The following DLL3 variants were observed in gnomAD, a reference collection of about 807,000 sequenced individuals.
DLL3 encodes the protein delta-like protein 3.
In DLL3, 49 loss-of-function variants were observed where a neutral mutation model predicts 55.0. The observed-to-expected ratio is 0.89, with a 90% confidence interval of 0.71 to 1.13. The LOEUF (loss-of-function observed/expected upper bound fraction) is 1.13. Among genes scored for constraint, DLL3 ranks in the 50% most tolerant of loss-of-function variants. The probability of loss-of-function intolerance (pLI) is 0.00; values close to 1 mark genes in which losing one functional copy is unlikely to be tolerated. For missense variants in DLL3, 962 were observed against 875.5 expected, an observed-to-expected ratio of 1.10 and a Z score of -1.25; for synonymous variants, 421 against 385.2, an observed-to-expected ratio of 1.09 and a Z score of -1.09.
Position 39,499,389 on chromosome 19 carries a change from C to T in DLL3, c.267C>T (p.Val89=), listed in dbSNP as rs773083486. Reference sequence around the variant, plus strand: ...CGGCGCTGAGTGCGCGCGGACCGGTCTACACCGAGCAGCCCGGAGCGCCCG... The same window carrying T: ...CGGCGCTGAGTGCGCGCGGACCGGTTTACACCGAGCAGCCCGGAGCGCCCG... ...LGAALSARGP[V]YTEQPGAPAP... is the part of the protein sequence containing the mutation. Residue 89 remains valine (V), a synonymous_variant, in exon 2 of 9, where the codon GTC becomes GTT. Coordinates refer to ENST00000356433, the MANE Select transcript of DLL3 (RefSeq NM_203486.3). 4 of 1,576,062 alleles carry T rather than the reference C, an allele frequency of 2.5e-6. No individual in the cohort carries two copies. Among genetic ancestry groups the T allele is most frequent in the Non-Finnish European group, 3.4e-6 (4 of 1,168,462 alleles).
At chr19:39,500,472 C>A in intron 2 of DLL3, 143 bp from the exon 3 acceptor site, 1 of 537,324 alleles carries the variant, frequency 1.9e-6, no homozygotes, top group Non-Finnish European at 3.5e-6. Flanking sequence ...CTGGGCTGGT[C>A]TGGTCCCTCT....
At chr19:39,501,967 G>C (rs12977019) in intron 3 of DLL3, among the ~76,000 whole-genome samples, 44,237 of 151,604 alleles carry the variant, frequency 0.29, 6,760 homozygotes, top group Middle Eastern at 0.41. Context: ...GGGCGGATCA[G>C]GAGGTCAGGA....
chr19:39,502,918 C>T lies in DLL3; in HGVS notation c.513C>T (p.Arg171=). Reference sequence around the variant, plus strand: ...AGCGCGCAGGCGCCTGGGAGCTGCGCTTCTCGTACCGCGCGCGCTGCGAGC... The same window carrying T: ...AGCGCGCAGGCGCCTGGGAGCTGCGTTTCTCGTACCGCGCGCGCTGCGAGC... The part of the protein sequence containing the change: ...DIQRAGAWEL[R]FSYRARCEPP... Residue 171 remains arginine (R), a synonymous_variant, in exon 4 of 9, where the codon CGC becomes CGT. Coordinates refer to ENST00000356433, the MANE Select transcript of DLL3 (RefSeq NM_203486.3). 1 of 1,447,552 alleles carries T rather than the reference C, an allele frequency of 6.9e-7. No homozygotes were observed. Among genetic ancestry groups the T allele is most frequent in the East Asian group, 3.0e-5 (1 of 33,296 alleles). The allele number at this position is 1,447,552 out of a possible 1,614,324, so 89.7% of individuals were successfully genotyped here.
In DLL3 at chr19:39,499,401, GC is replaced by G; in HGVS notation, c.282del (p.Gly95GlufsTer37). 6.3e-7 allele frequency: 1 copy of G among 1,581,780 alleles called. No homozygotes were observed. The highest frequency in any genetic ancestry group is 1.1e-5 in the South Asian group (1 of 88,192). ...SARGPVYTEQ[P>X]GAPAPDLPLP... ...CGCGCGGACCGGTCTACACCGAGCA[GC>G]CCGGAGCGCCCGCGCCTGATCTCCC... is the stretch of plus-strand genomic sequence containing the variant. On this transcript the variant is annotated frameshift_variant, in exon 2 of 9. Transcript: ENST00000356433. LOFTEE classifies it high-confidence loss of function.
Position 39,499,004 on chromosome 19 carries a change from C to T in DLL3, c.30C>T (p.Leu10=), listed in dbSNP as rs2079592903. MVSPRMSGL[L]SQTVILALIF... is the part of the protein sequence containing the mutation. ...TCTCCCCACGGATGTCCGGGCTCCT[C>T]TCCCAGACTGTGATCCTAGCGCTCA... The change falls in exon 1 of 9, where the codon CTC becomes CTT. Residue 10 remains leucine (L), a synonymous_variant. Transcript: ENST00000356433. 23 of 1,613,986 alleles carry T rather than the reference C, an allele frequency of 1.4e-5. No individual in the cohort carries two copies. Among genetic ancestry groups the T allele is most frequent in the Non-Finnish European group, 1.9e-5 (23 of 1,180,036 alleles).
chr19:39,503,278 T>A (rs1313270371), intron 4 of DLL3, among the ~76,000 whole-genome samples: 13 of 152,172 alleles, frequency 8.5e-5, no homozygotes, highest in Non-Finnish European at 2.9e-5. Flanking sequence ...GCTGCCACCT[T>A]CGGAGAAACT....
In DLL3 at chr19:39,499,363, G is replaced by T; in HGVS notation, c.241G>T (p.Ala81Ser). Residue 81 changes from alanine (A) to serine (S), a missense_variant, in exon 2 of 9, where the codon GCG (alanine) becomes TCG (serine). By Grantham distance (99) the Ala-to-Ser change is moderately conservative (BLOSUM62 1). Coordinates refer to ENST00000356433, the MANE Select transcript of DLL3 (RefSeq NM_203486.3). ...CGCCGAGTCCCCGTGCGCCCTGGGC[G>T]CGGCGCTGAGTGCGCGCGGACCGGT... Reference protein sequence around the residue: ...EAAESPCALGAALSARGPVYT... With the variant: ...EAAESPCALGSALSARGPVYT... 1 of 1,559,584 alleles carries T rather than the reference G, an allele frequency of 6.4e-7. No homozygotes were observed.
chr19:39,504,396 T>C, intron 5 of DLL3, 108 bp downstream of exon 5: 1 of 1,269,082 alleles, frequency 7.9e-7, no homozygotes, highest in Non-Finnish European at 1.1e-6. Context: ...GATCTGGGAA[T>C]AACTATCAGG....
rs557730459 is a variant in DLL3 at position 39,502,984 on chromosome 19, G to A, written c.579G>A (p.Pro193=). 6.7e-7 allele frequency: 1 copy of A among 1,483,246 alleles called. No individual in the cohort carries two copies. The highest frequency in any genetic ancestry group is 8.9e-7 in the Non-Finnish European group (1 of 1,124,556). The allele number at this position is 1,483,246 out of a possible 1,614,324, so 91.9% of individuals were successfully genotyped here. A position where few individuals can be genotyped will look rare whatever the true frequency, so the allele number is the denominator to read the frequency against. The change falls in exon 4 of 9, where the codon CCG becomes CCA. Residue 193 remains proline (P), a synonymous_variant. Coordinates refer to ENST00000356433, the MANE Select transcript of DLL3 (RefSeq NM_203486.3). ...CCGCGTGCACGCGCCTCTGCCGTCC[G>A]CGCAGCGCCCCCTCGCGGTGCGGTC... The part of the protein sequence containing the change: ...VGTACTRLCR[P]RSAPSRCGPG...
chr19:39,506,713 G>A (rs2079643114), intron 6 of DLL3, among the ~76,000 whole-genome samples: 1 of 152,018 alleles, frequency 6.6e-6, no homozygotes, highest in Non-Finnish European at 1.5e-5. Context: ...AAGGAGGAAG[G>A]GAAGAGAGGA....
In DLL3 at chr19:39,504,222, C is replaced by A; in HGVS notation, c.804C>A (p.Thr268=). Residue 268 remains threonine (T), a synonymous_variant, in exon 5 of 9, where the codon ACC becomes ACA. Coordinates refer to ENST00000356433, the MANE Select transcript of DLL3 (RefSeq NM_203486.3). Reference sequence around the variant, plus strand: ...CCAGGGGCCCGTCCTCTGCTACCACCGGATGCCTTGTCCCTGGGCCTGGGC... The same window carrying A: ...CCAGGGGCCCGTCCTCTGCTACCACAGGATGCCTTGTCCCTGGGCCTGGGC... ...LSPRGPSSAT[T]GCLVPGPGPC... is the part of the protein sequence containing the mutation. 5 of 1,613,002 alleles carry A rather than the reference C, an allele frequency of 3.1e-6. No individual in the cohort carries two copies. The highest frequency in any genetic ancestry group is 4.2e-6 in the Non-Finnish European group (5 of 1,180,034).
chr19:39,501,426 A>C (rs189874892), intron 3 of DLL3, among the ~76,000 whole-genome samples: 2 of 152,234 alleles, frequency 1.3e-5, no homozygotes, highest in East Asian at 1.9e-4. Context: ...TCCTATCCTC[A>C]ACTTGGGAGA....
chr19:39,501,627 TG>T (rs2079610015), intron 3 of DLL3, among the ~76,000 whole-genome samples: 1 of 152,162 alleles, frequency 6.6e-6, no homozygotes, highest in Non-Finnish European at 1.5e-5. Context: ...ACCGTTCTGA[TG>T]TAGAAAGCTG....
chr19:39,499,099 A>G, intron 1 of DLL3, 56 bp downstream of exon 1: 1 of 1,613,598 alleles, frequency 6.2e-7, no homozygotes, highest in Non-Finnish European at 8.5e-7. Context: ...GGGAGGGGTG[A>G]GTGCGACCTG....
chr19:39,503,202 C>T, intron 4 of DLL3, 145 bp downstream of exon 4: 1 of 890,596 alleles, frequency 1.1e-6, no homozygotes, highest in African/African-American at 1.8e-5. Flanking sequence ...CCCAGGCACC[C>T]CTCTTCAGGG....
chr19:39,502,684 A>C, intron 3 of DLL3, 131 bp from the exon 4 acceptor site: 1 of 1,169,158 alleles, frequency 8.6e-7, no homozygotes, highest in African/African-American at 1.6e-5. Context: ...GCGAGGTCCA[A>C]GGACCCCAGG....
chr19:39,504,214 G>C lies in DLL3; in HGVS notation c.796G>C (p.Ala266Pro), dbSNP rs1029573395. Residue 266 changes from alanine (A) to proline (P), a missense_variant, in exon 5 of 9, where the codon GCT becomes CCT. Coordinates refer to ENST00000356433, the MANE Select transcript of DLL3 (RefSeq NM_203486.3). ...CCTCAGCCCCAGGGGCCCGTCCTCTGCTACCACCGGATGCCTTGTCCCTGG... is the reference window on the plus strand; with the variant it reads ...CCTCAGCCCCAGGGGCCCGTCCTCTCCTACCACCGGATGCCTTGTCCCTGG... ...SCLSPRGPSSATTGCLVPGPG... is the reference protein window; with the variant it reads ...SCLSPRGPSSPTTGCLVPGPG... The C allele has an allele frequency of 1.9e-6, 3 of 1,612,860 alleles. No homozygotes were observed. In the South Asian group the frequency reaches 3.3e-5, roughly 18 times the overall value.
Position 39,498,963 on chromosome 19 carries a change from C to T in DLL3, c.-12C>T, listed in dbSNP as rs765434483. On this transcript the variant is annotated 5_prime_UTR_variant, in exon 1 of 9. Coordinates refer to ENST00000356433, the MANE Select transcript of DLL3 (RefSeq NM_203486.3). The stretch of plus-strand genomic sequence containing the variant: ...GCAGCTGCGACTCCCGAGACCCCCC[C>T]ACCAGAAGGCCATGGTCTCCCCACG... The T allele has an allele frequency of 1.2e-6, 2 of 1,614,046 alleles. No individual in the cohort carries two copies. Among genetic ancestry groups the T allele is most frequent in the Middle Eastern group, 1.7e-4 (1 of 6,060 alleles).
At position 39,508,461 on chromosome 19, in the gene DLL3, T is replaced by C. The variant is rs1302248691; in HGVS notation, c.*204T>C. 38 of 637,366 alleles carry C rather than the reference T, an allele frequency of 6.0e-5. No individual in the cohort carries two copies. In the East Asian group the frequency reaches 9.4e-4, roughly 16 times the overall value. The allele number at this position is 637,366 out of a possible 1,614,324, so 39.5% of individuals were successfully genotyped here. ...CTAGAAACACCTATAAAGGCTATTA[T>C]TGTGATCAGTTTTGACTAACGAGGC... On this transcript the variant is annotated 3_prime_UTR_variant, in exon 9 of 9. Coordinates refer to ENST00000356433, the MANE Select transcript of DLL3 (RefSeq NM_203486.3).
Sources: allele counts gnomAD v4.1 joint callset (sites outside exome capture counted in the v4.1 genomes callset), GRCh38; gene constraint gnomAD v4.1.1; transcripts MANE v1.5; gene names NCBI Gene and HGNC (gene_info 2026-07-23, HGNC 2026-07-21).